Variants in MARS1 observed in about 807,000 individuals in gnomAD.
MARS1 encodes the protein methionine--tRNA ligase, cytoplasmic.
MARS1 carries 80 observed loss-of-function variants against 119.5 expected under a neutral mutation model. The ratio of observed to expected loss-of-function variants is 0.67; its 90% CI spans 0.56 to 0.81. The LOEUF is 0.81. MARS1 is among the 30% of genes least tolerant of loss of function. The probability of loss-of-function intolerance (pLI) is 0.00; values close to 1 mark genes in which losing one functional copy is unlikely to be tolerated. For synonymous variants in MARS1, 418 were observed against 433.4 expected (o/e 0.96, Z 0.44); for missense variants, 945 against 1,116.5 (o/e 0.85, Z 2.19).
At position 57,515,541 on chromosome 12, in the gene MARS1, C is replaced by T. The variant is rs1170569660; in HGVS notation, c.2391+205C>T. The T allele has an allele frequency of 5.0e-6, 3 of 597,922 alleles. No homozygotes were observed. In the East Asian group the frequency reaches 8.4e-5, roughly 17 times the overall value. The allele number at this position is 597,922 out of a possible 1,614,324, so 37.0% of individuals were successfully genotyped here. On this transcript the variant is annotated intron_variant, in intron 18 of 20. Coordinates refer to ENST00000262027, the MANE Select transcript of MARS1 (RefSeq NM_004990.4). ...CTTCATGCCAGAAACCAGAACCTGG[C>T]ACACAAAACTAACTGGTAAACAGAT...
chr12:57,507,556 G>A (rs1230980685), intron 11 of MARS1, among the ~76,000 whole-genome samples: 7 of 144,096 alleles, frequency 4.9e-5, no homozygotes, highest in Non-Finnish European at 9.3e-5. Flanking sequence ...CAGTAGGGGC[G>A]GCCGGGCAGA....
intron 7 of MARS1, among the ~76,000 whole-genome samples, chr12:57,492,936 T>A (rs963359544): frequency 6.6e-6 from 1 of 152,014 alleles, no homozygotes; most frequent in Non-Finnish European, 1.5e-5. Flanking sequence ...GGGGCTGGCA[T>A]CATACCATTG....
intron 7 of MARS1, among the ~76,000 whole-genome samples, chr12:57,492,193 C>A (rs533003644): frequency 1.5e-4 from 22 of 151,018 alleles, no homozygotes; most frequent in Non-Finnish European, 3.1e-4. Context: ...GCAGGAGAAT[C>A]GCTTGAACCT....
chr12:57,515,582 G>C, intron 18 of MARS1: 2 of 582,202 alleles, frequency 3.4e-6, no homozygotes, highest in Non-Finnish European at 6.1e-6. Context: ...AAGAAACACT[G>C]TGATCACCTA....
chr12:57,495,074 C>A (rs1006626728), intron 7 of MARS1, among the ~76,000 whole-genome samples: 3 of 151,768 alleles, frequency 2.0e-5, no homozygotes, highest in African/African-American at 4.8e-5. Flanking sequence ...ACTTCCCAGA[C>A]AGGGCGGCCG....
At chr12:57,507,017 T>A (rs1458969881) in intron 11 of MARS1, among the ~76,000 whole-genome samples, 1 of 150,202 alleles carries the variant, frequency 6.7e-6, no homozygotes, top group East Asian at 2.0e-4. Context: ...AGTGTTTGTG[T>A]CCCTGGGTAC....
At chr12:57,493,483 A>T (rs1179940470) in intron 7 of MARS1, among the ~76,000 whole-genome samples, 1 of 3,792 alleles carries the variant, frequency 2.6e-4, no homozygotes, top group Non-Finnish European at 4.6e-4. Flanking sequence ...ATAATATATA[A>T]TATATAATAT....
intron 7 of MARS1, among the ~76,000 whole-genome samples, chr12:57,493,801 T>TATTATAA (rs1565641150): frequency 1.1e-3 from 1 of 906 alleles, no homozygotes; most frequent in African/African-American, 2.0e-3. Flanking sequence ...ATATATTATA[T>TATTATAA]TATATAATGT....
At chr12:57,492,681 A>T (rs1040909283) in intron 7 of MARS1, among the ~76,000 whole-genome samples, 5 of 102,522 alleles carry the variant, frequency 4.9e-5, no homozygotes, top group African/African-American at 2.1e-4. Flanking sequence ...ACACACACAC[A>T]CACACACACA....
intron 15 of MARS1, 117 bp downstream of exon 15, chr12:57,513,081 G>C: frequency 1.2e-6 from 1 of 813,106 alleles, no homozygotes; most frequent in South Asian, 1.5e-5. Context: ...AGGACACTGT[G>C]GAAAGTTGAT....
intron 11 of MARS1, among the ~76,000 whole-genome samples, chr12:57,506,091 C>T (rs1033377542): frequency 6.6e-6 from 1 of 151,848 alleles, no homozygotes; most frequent in African/African-American, 2.4e-5. Context: ...GACCCCATCT[C>T]TACAAAAAAT....
chr12:57,489,998 C>A (rs781586525), intron 5 of MARS1, 27 bp downstream of exon 5: 71 of 1,604,472 alleles, frequency 4.4e-5, no homozygotes, highest in Non-Finnish European at 6.1e-5. Flanking sequence ...TCACTCCAAC[C>A]CTAGGAGCTT....
chr12:57,493,438 TTACATAA>T (rs1233960967), intron 7 of MARS1, among the ~76,000 whole-genome samples: 9 of 1,790 alleles, frequency 5.0e-3, no homozygotes, highest in African/African-American at 5.6e-3. Flanking sequence ...GTATAATATA[TTACATAA>T]TATATAATAT....
At position 57,503,595 on chromosome 12, in the gene MARS1, C is replaced by T. The variant is rs116119105; in HGVS notation, c.1294-630C>T. Among the ~76,000 whole-genome samples the T allele has an allele frequency of 4.8e-3, 729 of 150,638 alleles. 4 individuals are homozygous for T. Among genetic ancestry groups the T allele is most frequent in the African/African-American group, 0.016 (669 of 40,924 alleles). On this transcript the variant is annotated intron_variant, in intron 10 of 20. Coordinates refer to ENST00000262027, the MANE Select transcript of MARS1 (RefSeq NM_004990.4). The stretch of plus-strand genomic sequence containing the variant: ...AGAGTCTGCTCTGTCAGCAGCCTGG[C>T]GTGCGGTGGCATGATCTTGGCTCAC...
chr12:57,499,601 C>CAA (rs753629572), intron 9 of MARS1, among the ~76,000 whole-genome samples: 38 of 67,426 alleles, frequency 5.6e-4, no homozygotes, highest in African/African-American at 2.4e-3. Context: ...GAGACTGTCT[C>CAA]AAAAAAAAAA....
In MARS1 at chr12:57,488,131, C is replaced by A; in HGVS notation, c.41C>A (p.Pro14Gln). ...FVSDGVPGCL[P>Q]VLAAAGRARG... ...AGTGATGGCGTCCCGGGTTGCTTGCCGGTGCTGGCCGCCGCCGGGAGAGCC... is the reference window on the plus strand; with the variant it reads ...AGTGATGGCGTCCCGGGTTGCTTGCAGGTGCTGGCCGCCGCCGGGAGAGCC... Residue 14 changes from proline (P) to glutamine (Q), a missense_variant, in exon 1 of 21, where the codon CCG becomes CAG. By Grantham distance (76) the Pro-to-Gln change is moderately conservative (BLOSUM62 -1). Transcript: ENST00000262027. 1.9e-6 allele frequency: 3 copies of A among 1,614,150 alleles called. No homozygotes were observed. The highest frequency in any genetic ancestry group is 1.3e-5 in the African/African-American group (1 of 75,050).
Position 57,489,328 on chromosome 12 carries a change from G to A in MARS1, c.262G>A (p.Glu88Lys), listed in dbSNP as rs1172349423. Reference protein sequence around the residue: ...DDLTNQWLEWEATELQPALSA... With the variant: ...DDLTNQWLEWKATELQPALSA... The stretch of plus-strand genomic sequence containing the variant: ...CCTCACTAACCAGTGGCTGGAATGG[G>A]AAGCGACAGAGCTGCAGGTAGGACT... The change falls in exon 3 of 21, where the codon GAA (glutamate) becomes AAA (lysine). Residue 88 changes from glutamate (E) to lysine (K), a missense_variant. Transcript: ENST00000262027. The A allele has an allele frequency of 1.2e-6, 2 of 1,614,032 alleles. No homozygotes were observed. Among genetic ancestry groups the A allele is most frequent in the Admixed American group, 3.3e-5 (2 of 60,014 alleles).
intron 7 of MARS1, among the ~76,000 whole-genome samples, chr12:57,495,304 G>A (rs1465459784): frequency 6.7e-6 from 1 of 149,714 alleles, no homozygotes; most frequent in African/African-American, 2.5e-5. Context: ...GGGCGGACAC[G>A]CTCCTCACCT....
At chr12:57,500,043 T>A (rs113274678) in intron 9 of MARS1, 1 of 417,148 alleles carries the variant, frequency 2.4e-6, no homozygotes, top group African/African-American at 2.0e-5. Context: ...TTGGAGATTT[T>A]TGTTAATGAA....
Sources: gnomAD v4.1 joint callset for allele counts (sites outside exome capture counted in the v4.1 genomes callset) on GRCh38, gnomAD v4.1.1 for gene constraint, MANE v1.5 for transcripts, NCBI Gene and HGNC (gene_info 2026-07-23, HGNC 2026-07-21) for gene names.